Variants in ARSB observed in about 807,000 individuals in gnomAD.
ARSB encodes N-acetylgalactosamine-4-sulfatase.
ARSB carries 41 observed loss-of-function variants against 50.9 expected under a neutral mutation model. The observed-to-expected ratio is 0.81, with a 90% CI of 0.63 to 1.04. The LOEUF (loss-of-function observed/expected upper bound fraction) is 1.04, where lower values mean the gene tolerates loss of function less well. ARSB is among the 50% of genes least tolerant of loss of function. The probability of loss-of-function intolerance (pLI) is 0.00; values close to 1 mark genes in which losing one functional copy is unlikely to be tolerated. For synonymous variants in ARSB, 269 were observed against 284.8 expected (o/e 0.94, Z 0.56); for missense variants, 672 against 693.3 (o/e 0.97, Z 0.35).
At chr5:78,980,099 G>A (rs115951259) in intron 1 of ARSB, among the ~76,000 whole-genome samples, 2,173 of 152,316 alleles carry the variant, frequency 0.014, 52 homozygotes, top group African/African-American at 0.049. Flanking sequence ...GGTGGAATGA[G>A]GAAATGAAGA....
intron 4 of ARSB, among the ~76,000 whole-genome samples, chr5:78,927,981 C>A (rs1282586004): frequency 6.6e-6 from 1 of 152,162 alleles, no homozygotes; most frequent in African/African-American, 2.4e-5. Context: ...GGCAGCCAGG[C>A]CTCTGTGCAT....
At chr5:78,840,224 T>C (rs1000523768) in intron 5 of ARSB, among the ~76,000 whole-genome samples, 1 of 152,186 alleles carries the variant, frequency 6.6e-6, no homozygotes, top group African/African-American at 2.4e-5. Flanking sequence ...TAAAAACAAT[T>C]TAAATCATTG....
chr5:78,841,161 ACTAC>A (rs1561451786), intron 5 of ARSB, among the ~76,000 whole-genome samples: 8 of 139,580 alleles, frequency 5.7e-5, no homozygotes, highest in African/African-American at 8.1e-5. Flanking sequence ...TACTACTACT[ACTAC>A]TACTAATAAT....
At chr5:78,908,105 G>A (rs1749146993) in intron 4 of ARSB, among the ~76,000 whole-genome samples, 1 of 152,122 alleles carries the variant, frequency 6.6e-6, no homozygotes, top group Admixed American at 6.6e-5. Flanking sequence ...CTGGGGTCTT[G>A]ATTTTCTTTT....
chr5:78,952,990 T>C (rs911275712), intron 4 of ARSB, among the ~76,000 whole-genome samples: 1 of 152,226 alleles, frequency 6.6e-6, no homozygotes, highest in Non-Finnish European at 1.5e-5. Flanking sequence ...CAAAATGCTA[T>C]GCCAGGATAT....
intron 4 of ARSB, among the ~76,000 whole-genome samples, chr5:78,898,222 T>C (rs1748660501): frequency 6.6e-6 from 1 of 152,160 alleles, no homozygotes; most frequent in East Asian, 1.9e-4. Context: ...GCCGAGACTG[T>C]GCCACTGCAC....
intron 4 of ARSB, among the ~76,000 whole-genome samples, chr5:78,941,345 G>A (rs1750911417): frequency 6.6e-6 from 1 of 151,308 alleles, no homozygotes; most frequent in Non-Finnish European, 1.5e-5. Flanking sequence ...GTGAGAGAGG[G>A]CATCCCTGTC....
chr5:78,948,681 AC>A (rs1407736378), intron 4 of ARSB, among the ~76,000 whole-genome samples: 1 of 152,188 alleles, frequency 6.6e-6, no homozygotes, highest in African/African-American at 2.4e-5. Context: ...AATGAAAACT[AC>A]CTAGGAGCGC....
At chr5:78,834,603 A>ATGTGTG (rs1346286608) in intron 6 of ARSB, among the ~76,000 whole-genome samples, 69 of 83,466 alleles carry the variant, frequency 8.3e-4, no homozygotes, top group East Asian at 1.2e-3. Context: ...TGGTATATAT[A>ATGTGTG]TGTGTATATA....
intron 1 of ARSB, 23 bp from the exon 2 acceptor site, chr5:78,969,215 T>C: frequency 6.2e-7 from 1 of 1,612,532 alleles, no homozygotes; most frequent in Non-Finnish European, 8.5e-7. Flanking sequence ...AACATAAAAT[T>C]ATAGATTAAT....
At chr5:78,785,859 G>A (rs1749066095) in intron 6 of ARSB, among the ~76,000 whole-genome samples, 1 of 152,190 alleles carries the variant, frequency 6.6e-6, no homozygotes, top group African/African-American at 2.4e-5. Context: ...GTTCATAAAT[G>A]CAAGGAGTAC....
intron 4 of ARSB, among the ~76,000 whole-genome samples, chr5:78,910,655 C>G (rs1253338450): frequency 6.6e-6 from 1 of 152,130 alleles, no homozygotes; most frequent in Non-Finnish European, 1.5e-5. Flanking sequence ...AATAGAACAT[C>G]TCTTCTATTT....
At chr5:78,965,259 A>G (rs1057182746) in intron 2 of ARSB, among the ~76,000 whole-genome samples, 1 of 151,306 alleles carries the variant, frequency 6.6e-6, no homozygotes, top group Non-Finnish European at 1.5e-5. Context: ...CCCATAATTT[A>G]GACTTCACAT....
chr5:78,968,371 A>G (rs949920239), intron 2 of ARSB, among the ~76,000 whole-genome samples: 1 of 149,264 alleles, frequency 6.7e-6, no homozygotes, highest in Non-Finnish European at 1.5e-5. Flanking sequence ...TTTTTGAGAC[A>G]GAGTCTTGCT....
At chr5:78,884,941 A>G (rs1747937352) in intron 5 of ARSB, 1 of 152,378 alleles carries the variant, frequency 6.6e-6, no homozygotes, top group East Asian at 1.9e-4. Context: ...TCCCTGATGT[A>G]TCTTCTTCAC....
chr5:78,942,856 A>T (rs1487268762), intron 4 of ARSB, among the ~76,000 whole-genome samples: 1 of 152,126 alleles, frequency 6.6e-6, no homozygotes, highest in Non-Finnish European at 1.5e-5. Context: ...TGTCTCATTG[A>T]TCTGTCTAAT....
At chr5:78,822,143 C>T (rs1744254667) in intron 6 of ARSB, among the ~76,000 whole-genome samples, 1 of 152,098 alleles carries the variant, frequency 6.6e-6, no homozygotes, top group South Asian at 2.1e-4. Context: ...TAGAAAGAGA[C>T]ATTTTGTGAC....
chr5:78,861,548 G>T (rs541920412), intron 5 of ARSB, among the ~76,000 whole-genome samples: 1 of 152,078 alleles, frequency 6.6e-6, no homozygotes, highest in African/African-American at 2.4e-5. Flanking sequence ...AAAGGCCTTC[G>T]ACAAAATTCA....
intron 3 of ARSB, among the ~76,000 whole-genome samples, chr5:78,962,687 C>A (rs3822574): frequency 1.3e-5 from 2 of 151,826 alleles, no homozygotes; most frequent in African/African-American, 4.8e-5. Context: ...CCACTGCACC[C>A]GGCTAATTTT....
Sources: gnomAD v4.1 joint callset for allele counts (sites outside exome capture counted in the v4.1 genomes callset) on GRCh38, gnomAD v4.1.1 for gene constraint, MANE v1.5 for transcripts, NCBI Gene and HGNC (gene_info 2026-07-23, HGNC 2026-07-21) for gene names.